The following USP42 variants were observed in gnomAD, a reference collection of about 807,000 sequenced individuals.
USP42 encodes the protein ubiquitin specific peptidase 42, also known as ubiquitin carboxyl-terminal hydrolase 42.
USP42 carries 23 observed loss-of-function variants against 113.0 expected under a neutral mutation model. The observed-to-expected ratio is 0.20, with a 90% CI of 0.15 to 0.29. The LOEUF is 0.29. Among genes scored for constraint, USP42 ranks in the 10% least tolerant of loss-of-function variants. USP42 has a pLI of 1.00. For missense variants in USP42, 2,174 were observed against 1,779.8 expected (o/e 1.22, Z -3.99); for synonymous variants, 933 against 699.0 (o/e 1.33, Z -5.28).
At chr7:6,126,536 C>T (rs746348129) in intron 3 of USP42, among the ~76,000 whole-genome samples, 3 of 152,198 alleles carry the variant, frequency 2.0e-5, no homozygotes, top group Non-Finnish European at 4.4e-5. Flanking sequence ...CTGCCCGCCT[C>T]AGCCTCCCAA....
chr7:6,143,662 T>A (rs1781549931), intron 8 of USP42, among the ~76,000 whole-genome samples: 1 of 152,074 alleles, frequency 6.6e-6, no homozygotes, highest in African/African-American at 2.4e-5. Context: ...TAATATTTAT[T>A]TTTATTCCTT....
the USP42 span, chr7:6,088,979 G>A: frequency 6.6e-6 from 1 of 150,954 alleles, no homozygotes; most frequent in Non-Finnish European, 1.5e-5. Context: ...GTTTGGTCAG[G>A]TGGCAGAAGC....
chr7:6,119,182 T>TA (rs1336558439), intron 3 of USP42, among the ~76,000 whole-genome samples: 1 of 152,126 alleles, frequency 6.6e-6, no homozygotes, highest in African/African-American at 2.4e-5. Flanking sequence ...ACCACTGTAT[T>TA]ACAGCCTGAG....
upstream of USP42, among the ~76,000 whole-genome samples, chr7:6,104,544 GC>G (rs1779134903): frequency 6.6e-6 from 1 of 152,248 alleles, no homozygotes; most frequent in Non-Finnish European, 1.5e-5. Flanking sequence ...CAGGTGCCCC[GC>G]TTCTGGAAAC....
the USP42 span, among the ~76,000 whole-genome samples, chr7:6,090,191 T>A: frequency 4.8e-5 from 7 of 145,460 alleles, no homozygotes; most frequent in Non-Finnish European, 1.0e-4. Flanking sequence ...TCCCAGCTAC[T>A]CGGGAGGCTG....
chr7:6,156,049 T>G (rs971842373), intron 15 of USP42, among the ~76,000 whole-genome samples: 1 of 152,226 alleles, frequency 6.6e-6, no homozygotes, highest in Non-Finnish European at 1.5e-5. Flanking sequence ...CCTGTTTTTG[T>G]ATTTTTAAAA....
chr7:6,082,891 G>A, the USP42 span, among the ~76,000 whole-genome samples: 2 of 148,236 alleles, frequency 1.3e-5, no homozygotes, highest in Non-Finnish European at 1.5e-5. Context: ...GATTACAGGT[G>A]TGAGCCACTG....
At chr7:6,103,316 C>T (rs1790188517), upstream of USP42, among the ~76,000 whole-genome samples, 1 of 150,756 alleles carries the variant, frequency 6.6e-6, no homozygotes, top group South Asian at 2.1e-4. Context: ...TAAAATTCCA[C>T]ACCTGAGGTC....
At position 6,156,793 on chromosome 7, in the gene USP42, C is replaced by T. The variant is rs887759670; in HGVS notation, c.3681C>T (p.Asp1227=). ...CAGACCTCTCAGCAGCGTGCTCTGACGCTGACCTCCACAGACACAAAAAAA... is the reference window on the plus strand; with the variant it reads ...CAGACCTCTCAGCAGCGTGCTCTGATGCTGACCTCCACAGACACAAAAAAA... ...QDSDLSAACS[D]ADLHRHKKKK... Residue 1227 remains aspartate, a synonymous_variant, in exon 16 of 18, where the codon GAC becomes GAT. Coordinates refer to ENST00000306177, the MANE Select transcript of USP42 (RefSeq NM_032172.3). The T allele has an allele frequency of 2.1e-5, 34 of 1,592,128 alleles. No individual in the cohort carries two copies. The highest frequency in any genetic ancestry group is 1.7e-4 in the Middle Eastern group (1 of 5,964).
At chr7:6,094,725 C>T in the USP42 span, among the ~76,000 whole-genome samples, 3 of 151,116 alleles carry the variant, frequency 2.0e-5, no homozygotes, top group East Asian at 1.9e-4. Context: ...CGATTTTCTC[C>T]CATCAACCTC....
intron 3 of USP42, among the ~76,000 whole-genome samples, chr7:6,126,970 T>G (rs1285079837): frequency 6.6e-6 from 1 of 152,264 alleles, no homozygotes; most frequent in Non-Finnish European, 1.5e-5. Flanking sequence ...AGTTCCAGCT[T>G]CCTTGCATCT....
chr7:6,085,628 T>A, the USP42 span, among the ~76,000 whole-genome samples: 43 of 146,306 alleles, frequency 2.9e-4, 1 homozygote, highest in African/African-American at 1.1e-3. Flanking sequence ...ATATATATTT[T>A]TTTTGAGATG....
At chr7:6,142,533 C>T (rs1395071728) in intron 7 of USP42, among the ~76,000 whole-genome samples, 1 of 152,104 alleles carries the variant, frequency 6.6e-6, no homozygotes, top group Non-Finnish European at 1.5e-5. Flanking sequence ...TTTCTTTTTA[C>T]ATAAAAATTT....
chr7:6,145,553 A>G lies in USP42; in HGVS notation c.1028A>G (p.Tyr343Cys), dbSNP rs1248120905. 6.2e-7 allele frequency: 1 copy of G among 1,613,942 alleles called. No individual in the cohort carries two copies. Among genetic ancestry groups the G allele is most frequent in the East Asian group, 2.2e-5 (1 of 44,882 alleles). ...CCTGAGTATCTTGATATTCGGCCAT[A>G]TATGTCTCAACCCAACGGAGAGCCA... ...KYPEYLDIRP[Y>C]MSQPNGEPIV... Residue 343 changes from tyrosine (Y) to cysteine (C), a missense_variant, in exon 10 of 18, where the codon TAT (tyrosine) becomes TGT (cysteine). By Grantham distance (194) the Tyr-to-Cys change is radical. Transcript: ENST00000306177.
At position 6,139,292 on chromosome 7, in the gene USP42, A is replaced by G. The variant is rs1781321895; in HGVS notation, c.656+98A>G. On this transcript the variant is annotated intron_variant, in intron 5 of 17. Coordinates refer to ENST00000306177, the MANE Select transcript of USP42 (RefSeq NM_032172.3). This position sits in a 1 kb window ranked among gnomAD's most constrained non-coding sequence, Gnocchi z 4.5. ...TTTTCACCTTTTTTGTTGGAAGCACACAGAACAGTGTTCACTTTACCTTTT... is the reference window on the plus strand; with the variant it reads ...TTTTCACCTTTTTTGTTGGAAGCACGCAGAACAGTGTTCACTTTACCTTTT... The G allele has an allele frequency of 1.0e-6, 1 of 963,348 alleles. No individual in the cohort carries two copies. Among genetic ancestry groups the G allele is most frequent in the Non-Finnish European group, 1.5e-6 (1 of 659,954 alleles). The allele number at this position is 963,348 out of a possible 1,614,324, so 59.7% of individuals were successfully genotyped here.
Position 6,111,485 on chromosome 7 carries a change from T to C in USP42, c.241+111T>C. The C allele has an allele frequency of 3.0e-6, 4 of 1,327,976 alleles. 1 individual carries two copies. The South Asian group carries it at 5.9e-5, about 20-fold the overall frequency. The allele number at this position is 1,327,976 out of a possible 1,614,324, so 82.3% of individuals were successfully genotyped here. A position where few individuals can be genotyped will look rare whatever the true frequency, so the allele number is the denominator to read the frequency against. ...TTTGCAAGGCGTGAGGCCACCTGAG[T>C]GGCCAGCAGAGTTGTATTACTTGAT... is the stretch of plus-strand genomic sequence containing the variant. On this transcript the variant is annotated intron_variant, in intron 2 of 17. Coordinates refer to ENST00000306177, the MANE Select transcript of USP42 (RefSeq NM_032172.3).
intron 4 of USP42, among the ~76,000 whole-genome samples, chr7:6,136,874 C>T (rs571434505): frequency 1.4e-4 from 21 of 151,388 alleles, no homozygotes; most frequent in African/African-American, 5.1e-4. Flanking sequence ...GAACTCCTGG[C>T]TCAAGTGATC....
chr7:6,108,591 C>G (rs903413700), intron 1 of USP42, among the ~76,000 whole-genome samples: 1 of 152,142 alleles, frequency 6.6e-6, no homozygotes, highest in Non-Finnish European at 1.5e-5. Flanking sequence ...AGCGATTCTC[C>G]TACCTCAGCT....
At position 6,130,141 on chromosome 7, in the gene USP42, G is replaced by A. The variant is rs112407176; in HGVS notation, c.443-5700G>A. 8.8e-4 allele frequency among the ~76,000 whole-genome samples: 134 copies of A among 152,156 alleles called. 1 individual carries two copies. In the East Asian group the frequency reaches 9.7e-3, roughly 11 times the overall value. ...GCTAGAATTGTAGGCATGAGCCCCCGCGCCTGGCCATGGATATTTTGGTGT... is the reference window on the plus strand; with the variant it reads ...GCTAGAATTGTAGGCATGAGCCCCCACGCCTGGCCATGGATATTTTGGTGT... On this transcript the variant is annotated intron_variant, in intron 3 of 17. Transcript: ENST00000306177.
Sources: gnomAD v4.1 joint callset for allele counts (sites outside exome capture counted in the v4.1 genomes callset) on GRCh38, gnomAD v4.1.1 for gene constraint, Gnocchi (gnomAD v3.1) non-coding constraint, MANE v1.5 for transcripts, NCBI Gene and HGNC (gene_info 2026-07-23, HGNC 2026-07-21) for gene names.